The following SEC23A variants were observed in gnomAD, a reference collection of about 807,000 sequenced individuals.
SEC23A encodes the protein SEC23 homolog A, COPII component.
In SEC23A, 56 loss-of-function variants were observed where a neutral mutation model predicts 103.7. The observed-to-expected ratio is 0.54, with a 90% CI of 0.44 to 0.67. SEC23A has a LOEUF of 0.67. Ranked by LOEUF, SEC23A falls within the 30% of genes least tolerant of loss-of-function variation. The pLI, the probability that SEC23A is intolerant of heterozygous loss-of-function variation, is 0.00. For missense variants in SEC23A, 784 were observed against 936.4 expected, an observed-to-expected ratio of 0.84 and a Z score of 2.12; for synonymous variants, 281 against 293.0, an observed-to-expected ratio of 0.96 and a Z score of 0.42.
intron 2 of SEC23A, chr14:39,094,769 G>T (rs144297303): frequency 4.3e-6 from 2 of 464,816 alleles, no homozygotes; most frequent in African/African-American, 4.0e-5. Flanking sequence ...CAAGGTAGGA[G>T]TAAGTTTGGT....
Position 39,045,303 on chromosome 14 carries a change from A to C in SEC23A, c.1759T>G (p.Ser587Ala). 6.2e-7 allele frequency: 1 copy of C among 1,608,722 alleles called. No homozygotes were observed. Among genetic ancestry groups the C allele is most frequent in the South Asian group, 1.1e-5 (1 of 90,938 alleles). The change falls in exon 16 of 20, where the codon TCT becomes GCT. Residue 587 changes from serine (S) to alanine (A), a missense_variant. Ser to Ala is a moderately conservative substitution (Grantham distance 99). Coordinates refer to ENST00000307712, the MANE Select transcript of SEC23A (RefSeq NM_006364.4). ...TTGTTAAAAACTTGCAGGAAAGAAG[A>C]TCTTCTTAAATGAAACATAAACTGT... is the stretch of plus-strand genomic sequence containing the variant. The part of the protein sequence containing the change: ...YPQFMFHLRR[S>A]SFLQVFNNSP...
At chr14:39,087,102 G>A in intron 5 of SEC23A, 94 bp from the exon 6 acceptor site, 4 of 783,912 alleles carry the variant, frequency 5.1e-6, no homozygotes, top group Admixed American at 2.0e-5. Context: ...CTAGACATTA[G>A]AAACACAAAA....
At chr14:39,054,321 ATG>A (rs1886170407) in intron 14 of SEC23A, among the ~76,000 whole-genome samples, 1 of 152,142 alleles carries the variant, frequency 6.6e-6, no homozygotes, top group Admixed American at 6.6e-5. Flanking sequence ...CTGTGTCATA[ATG>A]TAAGTACAGT....
chr14:39,094,395 CACATATATATATATAT>C (rs1178710947), intron 2 of SEC23A, among the ~76,000 whole-genome samples: 252 of 11,110 alleles, frequency 0.023, 29 homozygotes, highest in Non-Finnish European at 0.047. Flanking sequence ...CACACACACA[CACATATATATATATAT>C]ATATATATAT....
At chr14:39,053,079 G>A (rs1220193251) in intron 14 of SEC23A, among the ~76,000 whole-genome samples, 5 of 152,192 alleles carry the variant, frequency 3.3e-5, no homozygotes, top group African/African-American at 1.2e-4. Flanking sequence ...AGGTGGCAGT[G>A]AGCCAAGGTT....
chr14:39,075,773 A>T (rs1886993066), intron 8 of SEC23A, among the ~76,000 whole-genome samples, 162 bp downstream of exon 8: 2 of 152,258 alleles, frequency 1.3e-5, no homozygotes, highest in Non-Finnish European at 2.9e-5. Context: ...ACATTACAAC[A>T]AATTATCAAG....
intron 13 of SEC23A, among the ~76,000 whole-genome samples, chr14:39,055,867 C>G (rs1191456248): frequency 6.6e-6 from 1 of 152,236 alleles, no homozygotes; most frequent in Non-Finnish European, 1.5e-5. Flanking sequence ...TTTTCTATAA[C>G]TAGCAACTTC....
intron 1 of SEC23A, among the ~76,000 whole-genome samples, chr14:39,096,588 G>A (rs1462635942): frequency 6.6e-6 from 1 of 151,114 alleles, no homozygotes; most frequent in Non-Finnish European, 1.5e-5. Flanking sequence ...AAATTAGCAA[G>A]CAACTCATAA....
intron 8 of SEC23A, among the ~76,000 whole-genome samples, chr14:39,075,124 A>C (rs1886972279): frequency 6.6e-6 from 1 of 152,090 alleles, no homozygotes; most frequent in Non-Finnish European, 1.5e-5. Flanking sequence ...AAGAAAGAAA[A>C]ACAACAGAGA....
intron 14 of SEC23A, among the ~76,000 whole-genome samples, chr14:39,051,930 G>A (rs898550617): frequency 9.9e-5 from 15 of 151,146 alleles, no homozygotes; most frequent in African/African-American, 3.7e-4. Flanking sequence ...TCGTGCCACT[G>A]CACTCCAGCC....
At chr14:39,078,269 A>C (rs1887108268) in intron 7 of SEC23A, among the ~76,000 whole-genome samples, 1 of 152,062 alleles carries the variant, frequency 6.6e-6, no homozygotes, top group Admixed American at 6.6e-5. Context: ...AAAAAACAAA[A>C]AGTACATAAA....
intron 9 of SEC23A, 76 bp downstream of exon 9, chr14:39,074,339 G>A (rs1472953718): frequency 2.2e-6 from 2 of 922,410 alleles, no homozygotes; most frequent in African/African-American, 1.6e-5. Flanking sequence ...TTCCCTAAAT[G>A]GTCATTATTG....
Position 39,040,935 on chromosome 14 carries a change from CA to C in SEC23A, c.1987-49del, listed in dbSNP as rs761401033. ...AATTACTTTAAATTTCTTGCCCATC[CA>C]AAAATCTTGAGATTTTTCCAAAGAA... On this transcript the variant is annotated intron_variant, in intron 17 of 19. Transcript: ENST00000307712. 3.9e-6 allele frequency: 6 copies of C among 1,544,920 alleles called. No homozygotes were observed. The South Asian group carries it at 7.3e-5, about 19-fold the overall frequency.
intron 19 of SEC23A, among the ~76,000 whole-genome samples, chr14:39,035,445 C>G (rs1435411314): frequency 6.6e-6 from 1 of 152,056 alleles, no homozygotes; most frequent in East Asian, 1.9e-4. Context: ...AAACTAATAG[C>G]TAACATTTAC....
At chr14:39,069,294 T>C (rs974357429) in intron 9 of SEC23A, among the ~76,000 whole-genome samples, 2 of 152,154 alleles carry the variant, frequency 1.3e-5, no homozygotes, top group Admixed American at 6.5e-5. Context: ...AGTCAGATCA[T>C]AAAACTCCTC....
Position 39,094,438 on chromosome 14 carries a change from ATATATTTTTT to A in SEC23A, c.222-1204_222-1195del, listed in dbSNP as rs1466786691. The stretch of plus-strand genomic sequence containing the variant: ...TATATATATATATATATATATATAT[ATATATTTTTT>A]TTTTTTTTTTTTCCCCTCCTGTAGA... On this transcript the variant is annotated intron_variant, in intron 2 of 19. Coordinates refer to ENST00000307712, the MANE Select transcript of SEC23A (RefSeq NM_006364.4). 2.5e-3 allele frequency among the ~76,000 whole-genome samples: 39 copies of A among 15,672 alleles called. 6 individuals are homozygous for A. The highest frequency in any genetic ancestry group is 3.3e-3 in the Non-Finnish European group (34 of 10,388). 10.3% of individuals were successfully genotyped at this position (15,672 alleles called of 152,430 possible).
chr14:39,032,998 C>T lies in SEC23A; in HGVS notation c.*241G>A, dbSNP rs1008674390. The stretch of plus-strand genomic sequence containing the variant: ...ATTAAACATAATTAAGTTATAAAGA[C>T]TTCAAATTTCTAGAACCAGCTATAA... On this transcript the variant is annotated 3_prime_UTR_variant, in exon 20 of 20. Coordinates refer to ENST00000307712, the MANE Select transcript of SEC23A (RefSeq NM_006364.4). 1 of 483,852 alleles carries T rather than the reference C, an allele frequency of 2.1e-6. No individual in the cohort carries two copies. The highest frequency in any genetic ancestry group is 1.9e-5 in the African/African-American group (1 of 51,372). 30.0% of individuals were successfully genotyped at this position (483,852 alleles called of 1,614,324 possible).
chr14:39,055,708 C>T (rs7145712), intron 13 of SEC23A, among the ~76,000 whole-genome samples: 43,199 of 152,110 alleles, frequency 0.28, 6,879 homozygotes, highest in Non-Finnish European at 0.35. Flanking sequence ...CAGACCCAGG[C>T]AAAGTATCGA....
chr14:39,038,850 T>A (rs1018033613), intron 19 of SEC23A, among the ~76,000 whole-genome samples, 181 bp downstream of exon 19: 11 of 152,238 alleles, frequency 7.2e-5, no homozygotes, highest in Non-Finnish European at 1.6e-4. Flanking sequence ...GTCTATTTGA[T>A]AGGATCACTT....
Sources: gnomAD v4.1 joint callset for allele counts (sites outside exome capture counted in the v4.1 genomes callset) on GRCh38, gnomAD v4.1.1 for gene constraint, MANE v1.5 for transcripts, NCBI Gene and HGNC (gene_info 2026-07-23, HGNC 2026-07-21) for gene names.